OSBPL3: variants seen among roughly 807,000 people sequenced by gnomAD.
The protein encoded by OSBPL3 is oxysterol binding protein like 3.
In OSBPL3, 65 loss-of-function variants were observed where a neutral mutation model predicts 120.1. The ratio of observed to expected loss-of-function variants is 0.54; its 90% confidence interval spans 0.44 to 0.67. OSBPL3 has a LOEUF of 0.67. OSBPL3 is among the 30% of genes least tolerant of loss of function. The pLI is 0.00. For missense variants in OSBPL3, 1,004 were observed against 1,082.1 expected (o/e 0.93, Z 1.01); for synonymous variants, 416 against 402.6 (o/e 1.03, Z -0.40).
At chr7:24,903,916 T>C (rs1478111284) in intron 1 of OSBPL3, among the ~76,000 whole-genome samples, 4 of 148,126 alleles carry the variant, frequency 2.7e-5, no homozygotes, top group African/African-American at 9.9e-5. Flanking sequence ...AGACTCTCAC[T>C]CTGTCACCCA....
chr7:24,828,466 G>A (rs1795950900), intron 16 of OSBPL3, among the ~76,000 whole-genome samples: 1 of 151,798 alleles, frequency 6.6e-6, no homozygotes, highest in African/African-American at 2.4e-5. Flanking sequence ...AACTTAGCTG[G>A]GCATGGTGGC....
chr7:24,832,051 A>T (rs1796433932), intron 15 of OSBPL3, among the ~76,000 whole-genome samples: 3 of 152,146 alleles, frequency 2.0e-5, no homozygotes, highest in Middle Eastern at 6.8e-3. Context: ...AAAAAAATAC[A>T]AAAGACATAG....
At chr7:24,800,671 G>A (rs1244817760) in intron 22 of OSBPL3, among the ~76,000 whole-genome samples, 3 of 151,826 alleles carry the variant, frequency 2.0e-5, no homozygotes, top group South Asian at 2.1e-4. Flanking sequence ...TGGCTAGGCT[G>A]GTCTAGAACT....
intron 2 of OSBPL3, among the ~76,000 whole-genome samples, chr7:24,890,082 G>C (rs1805122076): frequency 6.6e-6 from 1 of 152,196 alleles, no homozygotes; most frequent in African/African-American, 2.4e-5. Flanking sequence ...GCTCTAAGCT[G>C]CAATTCCAAA....
intron 12 of OSBPL3, among the ~76,000 whole-genome samples, chr7:24,846,530 C>T (rs535392581): frequency 6.6e-6 from 1 of 152,242 alleles, no homozygotes; most frequent in South Asian, 2.1e-4. Flanking sequence ...CTTTTTTAGT[C>T]TCTTAAATGG....
chr7:24,817,694 T>A lies in OSBPL3; in HGVS notation c.1949-1006A>T, dbSNP rs1159007746. On this transcript the variant is annotated intron_variant, in intron 17 of 22. Transcript: ENST00000313367. This position sits in a 1 kb window ranked among gnomAD's most constrained non-coding sequence, Gnocchi z 4.0. ...AGAGAGGAGAAGCAAGGCGACAAGT[T>A]AAGAGGCTACTGCAATTGCCCAGGG... Among the ~76,000 whole-genome samples the A allele has an allele frequency of 2.0e-5, 3 of 152,086 alleles. No homozygotes were observed. In the East Asian group the frequency reaches 5.8e-4, roughly 29 times the overall value.
chr7:24,971,290 A>G (rs1036966370), intron 1 of OSBPL3, among the ~76,000 whole-genome samples: 1 of 152,252 alleles, frequency 6.6e-6, no homozygotes, highest in African/African-American at 2.4e-5. Flanking sequence ...CTAAGCCTGG[A>G]TAACCAGGGT....
chr7:24,809,768 C>T, intron 20 of OSBPL3, 39 bp downstream of exon 20: 1 of 1,607,640 alleles, frequency 6.2e-7, no homozygotes. Context: ...CACCCATCCA[C>T]CCACTCACAG....
rs1792727000 is a variant in OSBPL3 at position 24,804,152 on chromosome 7, G to A, written c.2567+163C>T. Among the ~76,000 whole-genome samples the A allele has an allele frequency of 6.6e-6, 1 of 152,130 alleles. No individual in the cohort carries two copies. The highest frequency in any genetic ancestry group is 6.5e-5 in the Admixed American group (1 of 15,268). ...GAGGGAGAGCCTGAAGGTAAGTGCG[G>A]GGGACAGGGCCTGGCACAGAGGAGC... On this transcript the variant is annotated intron_variant, in intron 22 of 22. Coordinates refer to ENST00000313367, the MANE Select transcript of OSBPL3 (RefSeq NM_015550.4). The surrounding 1 kb of genome is among the most constrained non-coding windows in gnomAD (Gnocchi z 5.4).
intron 5 of OSBPL3, among the ~76,000 whole-genome samples, chr7:24,868,129 C>T (rs1000915711): frequency 2.0e-5 from 3 of 151,860 alleles, no homozygotes; most frequent in Non-Finnish European, 2.9e-5. Context: ...CTGTCCTGGC[C>T]AACATGGTGA....
chr7:24,864,375 T>C (rs1801015510), intron 7 of OSBPL3, among the ~76,000 whole-genome samples: 1 of 152,160 alleles, frequency 6.6e-6, no homozygotes, highest in Non-Finnish European at 1.5e-5. Flanking sequence ...CCACCCCTAG[T>C]TTTTTATTCC....
Position 24,972,451 on chromosome 7 carries a change from C to T in OSBPL3, c.-150+7435G>A, listed in dbSNP as rs1563025643. ...AAAAGCCAGACTCATTCCCTTTGAG[C>T]CACATCTCCCCACTGTAATTAATGA... On this transcript the variant is annotated intron_variant, in intron 1 of 22. Transcript: ENST00000313367. This position sits in a 1 kb window ranked among gnomAD's most constrained non-coding sequence, Gnocchi z 4.3. 6.6e-6 allele frequency among the ~76,000 whole-genome samples: 1 copy of T among 152,214 alleles called. No individual in the cohort carries two copies. The highest frequency in any genetic ancestry group is 6.5e-5 in the Admixed American group (1 of 15,292).
Position 24,820,834 on chromosome 7 carries a change from A to G in OSBPL3, c.1885-596T>C, listed in dbSNP as rs114797096. On this transcript the variant is annotated intron_variant, in intron 16 of 22. Transcript: ENST00000313367. The surrounding 1 kb of genome is among the most constrained non-coding windows in gnomAD (Gnocchi z 4.6). The stretch of plus-strand genomic sequence containing the variant: ...GTTTCTATTAAAAAAAAAAAAGGTA[A>G]ACACAATTGTTGAGGAAATGTTAGT... Among the ~76,000 whole-genome samples the G allele has an allele frequency of 6.2e-3, 936 of 149,980 alleles. 8 individuals carry two copies. Among genetic ancestry groups the G allele is most frequent in the African/African-American group, 0.022 (901 of 40,740 alleles).
chr7:24,866,060 C>T lies in OSBPL3; in HGVS notation c.549+10G>A, dbSNP rs776165423. 3 of 1,608,066 alleles carry T rather than the reference C, an allele frequency of 1.9e-6. No individual in the cohort carries two copies. Among genetic ancestry groups the T allele is most frequent in the Non-Finnish European group, 2.6e-6 (3 of 1,174,658 alleles). Reference sequence around the variant, plus strand: ...GTTCTCAGATTCATTATTGGCAAAACACTCATTACCTTCCTACTTGAAATG... The same window carrying T: ...GTTCTCAGATTCATTATTGGCAAAATACTCATTACCTTCCTACTTGAAATG... On this transcript the variant is annotated intron_variant, in intron 6 of 22. Transcript: ENST00000313367.
At chr7:24,807,124 T>C (rs540305789) in intron 20 of OSBPL3, among the ~76,000 whole-genome samples, 1 of 152,324 alleles carries the variant, frequency 6.6e-6, no homozygotes, top group South Asian at 2.1e-4. Flanking sequence ...CTCCTATGTG[T>C]GGTCAGAAAG....
At position 24,820,599 on chromosome 7, in the gene OSBPL3, C is replaced by T. The variant is rs1182981380; in HGVS notation, c.1885-361G>A. Among the ~76,000 whole-genome samples the T allele has an allele frequency of 6.6e-6, 1 of 152,172 alleles. No homozygotes were observed. Among genetic ancestry groups the T allele is most frequent in the East Asian group, 1.9e-4 (1 of 5,204 alleles). ...ATAACATATAATCTGACATTGGCTA[C>T]CAATGTCAACATCTCTTATTAGCTG... On this transcript the variant is annotated intron_variant, in intron 16 of 22. Coordinates refer to ENST00000313367, the MANE Select transcript of OSBPL3 (RefSeq NM_015550.4). The surrounding 1 kb of genome is among the most constrained non-coding windows in gnomAD (Gnocchi z 4.6).
intron 1 of OSBPL3, among the ~76,000 whole-genome samples, chr7:24,977,140 T>C (rs1022338390): frequency 6.6e-6 from 1 of 152,348 alleles, no homozygotes; most frequent in Middle Eastern, 3.4e-3. Context: ...AGCATTACTG[T>C]TCAGGGTTCA....
intron 19 of OSBPL3, among the ~76,000 whole-genome samples, chr7:24,812,184 G>A (rs1394987703): frequency 1.3e-5 from 2 of 151,610 alleles, no homozygotes; most frequent in African/African-American, 4.9e-5. Flanking sequence ...GTGGGCACCT[G>A]TAATCCCAGC....
At chr7:24,868,056 C>T (rs1164719739) in intron 5 of OSBPL3, among the ~76,000 whole-genome samples, 1 of 152,140 alleles carries the variant, frequency 6.6e-6, no homozygotes, top group Non-Finnish European at 1.5e-5. Flanking sequence ...CAGTGGCTCA[C>T]GCCTGTAACC....
Sources: gnomAD v4.1 joint callset for allele counts (sites outside exome capture counted in the v4.1 genomes callset) on GRCh38, gnomAD v4.1.1 for gene constraint, Gnocchi (gnomAD v3.1) non-coding constraint, MANE v1.5 for transcripts, NCBI Gene and HGNC (gene_info 2026-07-23, HGNC 2026-07-21) for gene names.